Variants in BEX2 observed in about 807,000 individuals in gnomAD.
BEX2 encodes protein BEX2.
BEX2 carries 2 observed loss-of-function variants against 4.1 expected under a neutral mutation model. That is an observed-to-expected ratio of 0.49 (90% CI 0.20 to 1.53). The LOEUF is 1.53. Among genes scored for constraint, BEX2 ranks in the 40% most tolerant of loss-of-function variants. BEX2 has a pLI of 0.23. For missense variants in BEX2, 94 were observed against 99.9 expected (o/e 0.94, Z 0.25); for synonymous variants, 34 against 35.9 (o/e 0.95, Z 0.19).
At position 103,309,866 on chromosome X, in the gene BEX2, C is replaced by G; in HGVS notation, c.111G>C (p.Leu37Phe). 1 of 1,212,021 alleles carries G rather than the reference C, an allele frequency of 8.3e-7. No individual in the cohort carries two copies. The highest frequency in any genetic ancestry group is 1.1e-6 in the Non-Finnish European group (1 of 895,610). Reference protein sequence around the residue: ...KEQVANKGEPLALPLNVSEYC... With the variant: ...KEQVANKGEPFALPLNVSEYC... ...ATTCACTAACATTCAAAGGTAGGGC[C>G]AAGGGCTCCCCTTTATTAGCAACTT... Residue 37 changes from leucine to phenylalanine, a missense_variant, in exon 3 of 3, where the codon TTG becomes TTC. Physicochemically the swap from Leu to Phe is conservative, Grantham distance 22. Transcript: ENST00000372677.
Position 103,310,841 on chromosome X carries a change from C to T in BEX2, c.-82+19G>A. The T allele has an allele frequency of 2.8e-6, 1 of 359,858 alleles. No individual in the cohort carries two copies. Among genetic ancestry groups the T allele is most frequent in the South Asian group, 6.0e-5 (1 of 16,571 alleles). The allele number at this position is 359,858 out of a possible 1,213,427, so 29.7% of individuals were successfully genotyped here. A position where few individuals can be genotyped will look rare whatever the true frequency, so the allele number is the denominator to read the frequency against. On this transcript the variant is annotated intron_variant, in intron 1 of 2. Coordinates refer to ENST00000372677, the MANE Select transcript of BEX2 (RefSeq NM_032621.4). ...TGCTCCCCCACACCAACCCCAGGGA[C>T]CCCCTCCGGGTCCCTTACCTGCTCC...
At chrX:103,310,267 C>T in intron 2 of BEX2, 91 bp downstream of exon 2, 1 of 982,958 alleles carries the variant, frequency 1.0e-6, no homozygotes, top group Non-Finnish European at 1.4e-6. Context: ...TGGGGGATTG[C>T]TAAGTGTGGG....
In BEX2 at chrX:103,309,790, G is replaced by A; in HGVS notation, c.187C>T (p.Leu63=). The A allele has an allele frequency of 8.3e-7, 1 of 1,211,972 alleles. No individual in the cohort carries two copies. Among genetic ancestry groups the A allele is most frequent in the African/African-American group, 1.7e-5 (1 of 57,799 alleles). Residue 63 remains leucine, a synonymous_variant, in exon 3 of 3, where the codon CTG becomes TTG. Coordinates refer to ENST00000372677, the MANE Select transcript of BEX2 (RefSeq NM_032621.4). ...TGCATTATGTCCCATCTATACTGCAGGATGGGCTGCCTAACGCGGAACCGC... is the reference window on the plus strand; with the variant it reads ...TGCATTATGTCCCATCTATACTGCAAGATGGGCTGCCTAACGCGGAACCGC... The part of the protein sequence containing the change: ...RRRFRVRQPI[L]QYRWDIMHRL...
At position 103,309,770 on chromosome X, in the gene BEX2, T is replaced by C. The variant is rs145955701; in HGVS notation, c.207A>G (p.Ile69Met). ...RQPILQYRWD[I>M]MHRLGEPQAR... The stretch of plus-strand genomic sequence containing the variant: ...CCTGTGGCTCTCCAAGCCTATGCAT[T>C]ATGTCCCATCTATACTGCAGGATGG... The change falls in exon 3 of 3, where the codon ATA (isoleucine) becomes ATG (methionine). Residue 69 changes from isoleucine to methionine, a missense_variant. Transcript: ENST00000372677. 3.1e-3 allele frequency: 3,771 copies of C among 1,210,052 alleles called. 74 individuals carry two copies. The African/African-American group carries it at 0.055, about 18-fold the overall frequency.
Position 103,309,626 on chromosome X carries a change from G to T in BEX2, c.351C>A (p.His117Gln), listed in dbSNP as rs1340376114. Residue 117 changes from histidine (H) to glutamine (Q), a missense_variant, in exon 3 of 3, where the codon CAC becomes CAA. His to Gln is a conservative substitution (Grantham distance 24). Transcript: ENST00000372677. ...GGCAAAACTCATCGTGATGGTCATG[G>T]TGAGGGGGATCAGTGCTGACTGCCC... ...SLRAVSTDPP[H>Q]HDHHDEFCLM... The T allele has an allele frequency of 3.3e-6, 4 of 1,211,353 alleles. No homozygotes were observed. The Admixed American group carries it at 8.7e-5, about 26-fold the overall frequency.
At chrX:103,310,467 G>A in intron 1 of BEX2, 34 bp from the exon 2 acceptor site, 1 of 1,154,028 alleles carries the variant, frequency 8.7e-7, no homozygotes, top group Non-Finnish European at 1.1e-6. Flanking sequence ...AGTGGGGGCT[G>A]CTGCAGCGGA....
At position 103,310,394 on chromosome X, in the gene BEX2, C is replaced by G. The variant is rs1229477526; in HGVS notation, c.-42G>C. On this transcript the variant is annotated 5_prime_UTR_variant, in exon 2 of 3. Coordinates refer to ENST00000372677, the MANE Select transcript of BEX2 (RefSeq NM_032621.4). ...CTTGCAGTCTCCTCCTCCCGATTCT[C>G]GACGTGAGGTGCGTCGCCGCAACAC... is the stretch of plus-strand genomic sequence containing the variant. The G allele has an allele frequency of 2.6e-6, 3 of 1,155,450 alleles. No individual in the cohort carries two copies. Among genetic ancestry groups the G allele is most frequent in the Non-Finnish European group, 3.4e-6 (3 of 872,784 alleles).
intron 1 of BEX2, chrX:103,310,653 G>T: frequency 4.4e-6 from 5 of 1,139,993 alleles, no homozygotes; most frequent in Middle Eastern, 2.4e-4. Context: ...GGAGGCAGGT[G>T]CTTCCGAAAG....
At chrX:103,310,035 G>A (rs1187466131) in intron 2 of BEX2, 54 bp from the exon 3 acceptor site, 6 of 1,107,214 alleles carry the variant, frequency 5.4e-6, no homozygotes, top group Non-Finnish European at 7.2e-6. Context: ...TCAGCACCGA[G>A]GACAGAGGCC....
chrX:103,310,074 C>T, intron 2 of BEX2, 93 bp from the exon 3 acceptor site: 1 of 1,023,698 alleles, frequency 9.8e-7, no homozygotes, highest in Non-Finnish European at 1.3e-6. Flanking sequence ...AATTCAGAGC[C>T]CTGGATTTCA....
chrX:103,310,681 G>C, intron 1 of BEX2, 179 bp downstream of exon 1: 1 of 1,075,850 alleles, frequency 9.3e-7, no homozygotes, highest in South Asian at 2.1e-5. Flanking sequence ...CCTCAGGATC[G>C]CCGGCTCCCG....
In BEX2 at chrX:103,309,404, T is replaced by C. The variant is rs1926110565; in HGVS notation, c.*186A>G. The stretch of plus-strand genomic sequence containing the variant: ...ATATAATGAGCATCTTTCCATGCAA[T>C]AGGTAAAACTCTCCTGCTGACAGAA... On this transcript the variant is annotated 3_prime_UTR_variant, in exon 3 of 3. Transcript: ENST00000372677. 5 of 576,813 alleles carry C rather than the reference T, an allele frequency of 8.7e-6. No individual in the cohort carries two copies. The highest frequency in any genetic ancestry group is 1.3e-5 in the Non-Finnish European group (5 of 380,932). 47.5% of individuals were successfully genotyped at this position (576,813 alleles called of 1,213,427 possible).
rs1045055 is a variant in BEX2, at chrX:103,310,398, G to C, written c.-46C>G. On this transcript the variant is annotated 5_prime_UTR_variant, in exon 2 of 3. Coordinates refer to ENST00000372677, the MANE Select transcript of BEX2 (RefSeq NM_032621.4). ...CAGTCTCCTCCTCCCGATTCTCGAC[G>C]TGAGGTGCGTCGCCGCAACACTTGG... The C allele has an allele frequency of 3.5e-6, 4 of 1,156,867 alleles. No homozygotes were observed. Among genetic ancestry groups the C allele is most frequent in the Non-Finnish European group, 4.6e-6 (4 of 873,042 alleles).
chrX:103,310,169 T>G (rs1926148787), intron 2 of BEX2, among the ~76,000 whole-genome samples, 188 bp from the exon 3 acceptor site: 1 of 108,971 alleles, frequency 9.2e-6, no homozygotes, highest in Non-Finnish European at 1.9e-5. Context: ...TCTGTGCCCT[T>G]CTCTCCCGCA....
At chrX:103,310,520 C>A in intron 1 of BEX2, 87 bp from the exon 2 acceptor site, 6 of 1,146,035 alleles carry the variant, frequency 5.2e-6, no homozygotes, top group Non-Finnish European at 6.9e-6. Flanking sequence ...TTCCCCACGC[C>A]GGGCCCGGGC....
chrX:103,309,452 A>G lies in BEX2; in HGVS notation c.*138T>C, dbSNP rs1926113028. 1 of 980,647 alleles carries G rather than the reference A, an allele frequency of 1.0e-6. No individual in the cohort carries two copies. The highest frequency in any genetic ancestry group is 3.1e-5 in the Admixed American group (1 of 32,063). The allele number at this position is 980,647 out of a possible 1,213,427, so 80.8% of individuals were successfully genotyped here. A position where few individuals can be genotyped will look rare whatever the true frequency, so the allele number is the denominator to read the frequency against. ...GAAACTTACAAACTGGGTCAAAAACAACATTCATTTAGAAGCTGGTAATAG... is the reference window on the plus strand; with the variant it reads ...GAAACTTACAAACTGGGTCAAAAACGACATTCATTTAGAAGCTGGTAATAG... On this transcript the variant is annotated 3_prime_UTR_variant, in exon 3 of 3. Coordinates refer to ENST00000372677, the MANE Select transcript of BEX2 (RefSeq NM_032621.4).
At chrX:103,310,683 C>A in intron 1 of BEX2, 177 bp downstream of exon 1, 1 of 1,069,030 alleles carries the variant, frequency 9.4e-7, no homozygotes, top group Non-Finnish European at 1.2e-6. Flanking sequence ...TCAGGATCGC[C>A]GGCTCCCGCG....
Position 103,309,617 on chromosome X carries a change from A to T in BEX2, c.360T>A (p.His120Gln), listed in dbSNP as rs1426219555. The change falls in exon 3 of 3, where the codon CAT becomes CAA. Residue 120 changes from histidine (H) to glutamine (Q), a missense_variant. Coordinates refer to ENST00000372677, the MANE Select transcript of BEX2 (RefSeq NM_032621.4). ...AVSTDPPHHD[H>Q]HDEFCLMP ...AGGGCATAAGGCAAAACTCATCGTG[A>T]TGGTCATGGTGAGGGGGATCAGTGC... The T allele has an allele frequency of 5.8e-6, 7 of 1,208,544 alleles. No individual in the cohort carries two copies. In the African/African-American group the frequency reaches 1.1e-4, roughly 18 times the overall value.
rs1926114417 is a variant in BEX2 at position 103,309,507 on chromosome X, A to G, written c.*83T>C. On this transcript the variant is annotated 3_prime_UTR_variant, in exon 3 of 3. Transcript: ENST00000372677. ...CCCACAAGAAATAGGTAACATCAAAACGTTTACGACAAAGGTACACCACAA... is the reference window on the plus strand; with the variant it reads ...CCCACAAGAAATAGGTAACATCAAAGCGTTTACGACAAAGGTACACCACAA... 8 of 1,142,988 alleles carry G rather than the reference A, an allele frequency of 7.0e-6. No individual in the cohort carries two copies. The highest frequency in any genetic ancestry group is 6.0e-5 in the East Asian group (2 of 33,249). 94.2% of individuals were successfully genotyped at this position (1,142,988 alleles called of 1,213,427 possible).
Sources: gnomAD v4.1 joint callset for allele counts (sites outside exome capture counted in the v4.1 genomes callset) on GRCh38, gnomAD v4.1.1 for gene constraint, MANE v1.5 for transcripts, NCBI Gene and HGNC (gene_info 2026-07-23, HGNC 2026-07-21) for gene names.